The following GAB2 variants were observed in gnomAD, a reference collection of about 807,000 sequenced individuals.
GAB2 encodes the protein GRB2-associated-binding protein 2.
In GAB2, 26 loss-of-function variants were observed where a neutral mutation model predicts 65.5. That is an observed-to-expected ratio of 0.40 (90% CI 0.29 to 0.55). The LOEUF (loss-of-function observed/expected upper bound fraction) is 0.55. GAB2 is among the 20% of genes least tolerant of loss of function. The pLI, the probability that GAB2 is intolerant of heterozygous loss-of-function variation, is 0.53. For synonymous variants in GAB2, 321 were observed against 329.6 expected, an observed-to-expected ratio of 0.97 and a Z score of 0.28; for missense variants, 884 against 875.8, an observed-to-expected ratio of 1.01 and a Z score of -0.12.
chr11:78,269,894 A>G (rs1865968110), intron 2 of GAB2, among the ~76,000 whole-genome samples: 1 of 152,220 alleles, frequency 6.6e-6, no homozygotes, highest in Admixed American at 6.5e-5. Flanking sequence ...AAACTAAAAT[A>G]GTAGAGAAGA....
intron 1 of GAB2, among the ~76,000 whole-genome samples, chr11:78,287,958 C>T (rs1866532115): frequency 6.6e-6 from 1 of 151,778 alleles, no homozygotes; most frequent in African/African-American, 2.4e-5. Flanking sequence ...ACTGTTATCA[C>T]TCTTATTCAA....
At chr11:78,326,421 A>G (rs1404286526) in intron 1 of GAB2, among the ~76,000 whole-genome samples, 6 of 152,224 alleles carry the variant, frequency 3.9e-5, no homozygotes, top group African/African-American at 2.4e-5. Context: ...AGGAAATGAC[A>G]TACAGTGGTT....
In GAB2 at chr11:78,220,358, G is replaced by A. The variant is rs752769689; in HGVS notation, c.1848C>T (p.Ala616=). 1.2e-5 allele frequency: 19 copies of A among 1,612,994 alleles called. No homozygotes were observed. In the Admixed American group the frequency reaches 2.7e-4, roughly 23 times the overall value. Reference sequence around the variant, plus strand: ...TTGGGGAGCTCGGCTGGAAGTCCAGGGCCAGATAATCAACGCTGCCGGTGC... The same window carrying A: ...TTGGGGAGCTCGGCTGGAAGTCCAGAGCCAGATAATCAACGCTGCCGGTGC... ...KKSTGSVDYL[A]LDFQPSSPSP... is the part of the protein sequence containing the mutation. The change falls in exon 9 of 10, where the codon GCC becomes GCT. Residue 616 remains alanine, a synonymous_variant. Coordinates refer to ENST00000361507, the MANE Select transcript of GAB2 (RefSeq NM_080491.3).
rs746171817 is a variant in GAB2 at position 78,219,400 on chromosome 11, C to T, written c.1903G>A (p.Val635Ile). ...SPHRKPSTSS[V>I]TSDEKVDYVQ... ...TAGTCCACCTTCTCATCAGAGGTGA[C>T]GGATGAAGTAGATGGCTGAGGGGAC... The change falls in exon 10 of 10, where the codon GTC (valine) becomes ATC (isoleucine). Residue 635 changes from valine (V) to isoleucine (I), a missense_variant. Transcript: ENST00000361507. The T allele has an allele frequency of 2.9e-5, 47 of 1,613,650 alleles. No individual in the cohort carries two copies. Among genetic ancestry groups the T allele is most frequent in the East Asian group, 8.9e-5 (4 of 44,838 alleles).
intron 3 of GAB2, among the ~76,000 whole-genome samples, chr11:78,240,851 C>T (rs1865114468): frequency 2.0e-5 from 3 of 152,216 alleles, no homozygotes; most frequent in Admixed American, 1.3e-4. Context: ...TATCATAGAT[C>T]CTGGCCCGGA....
chr11:78,417,537 G>C, intron 1 of GAB2, 109 bp downstream of exon 1: 134 of 281,188 alleles, frequency 4.8e-4, no homozygotes, highest in Middle Eastern at 3.5e-3. Context: ...GGCCCCCCGC[G>C]GCTCCGGGCC....
chr11:78,286,498 G>A (rs573876164), intron 1 of GAB2, among the ~76,000 whole-genome samples: 2 of 151,958 alleles, frequency 1.3e-5, no homozygotes, highest in Non-Finnish European at 2.9e-5. Context: ...TTTAAGTTCT[G>A]AGCATCCTGA....
chr11:78,309,915 G>C (rs1038341869), intron 1 of GAB2, among the ~76,000 whole-genome samples: 6 of 137,916 alleles, frequency 4.4e-5, no homozygotes, highest in Admixed American at 7.1e-5. Flanking sequence ...TCACTTTGGG[G>C]AGGGTTAGAA....
At chr11:78,407,307 A>G (rs1210588588) in intron 1 of GAB2, among the ~76,000 whole-genome samples, 1 of 152,218 alleles carries the variant, frequency 6.6e-6, no homozygotes, top group African/African-American at 2.4e-5. Context: ...CTGAAAATAA[A>G]GAGAAAAAAA....
In GAB2 at chr11:78,284,697, C is replaced by T. The variant is rs138458221; in HGVS notation, c.76-3796G>A. On this transcript the variant is annotated intron_variant, in intron 1 of 9. Transcript: ENST00000361507. ...GGTCCCCGATGCTCCCACTCTCTTT[C>T]CCCCCTTACCCTGCTTTACTGGTCT... 5.2e-3 allele frequency among the ~76,000 whole-genome samples: 784 copies of T among 152,110 alleles called. 8 individuals are homozygous for T. The highest frequency in any genetic ancestry group is 0.017 in the African/African-American group (720 of 41,496).
chr11:78,279,844 T>C (rs1866283032), intron 2 of GAB2, among the ~76,000 whole-genome samples: 1 of 152,222 alleles, frequency 6.6e-6, no homozygotes, highest in Non-Finnish European at 1.5e-5. Flanking sequence ...CTATTATGAA[T>C]AATACTGCTG....
At chr11:78,327,674 T>C (rs1432920837) in intron 1 of GAB2, among the ~76,000 whole-genome samples, 1 of 152,104 alleles carries the variant, frequency 6.6e-6, no homozygotes, top group Non-Finnish European at 1.5e-5. Context: ...TACTAAATGG[T>C]TTGAACTTTG....
intron 1 of GAB2, among the ~76,000 whole-genome samples, chr11:78,329,383 A>G (rs533090295): frequency 5.3e-5 from 8 of 152,248 alleles, no homozygotes; most frequent in South Asian, 4.1e-4. Context: ...TTATCCCCCA[A>G]TACGATTTAT....
intron 1 of GAB2, among the ~76,000 whole-genome samples, chr11:78,303,266 G>C (rs1867083777): frequency 6.6e-6 from 1 of 151,942 alleles, no homozygotes; most frequent in Non-Finnish European, 1.5e-5. Flanking sequence ...CTACCCCAAG[G>C]TCAAAAAGAT....
At position 78,220,452 on chromosome 11, in the gene GAB2, G is replaced by A. The variant is rs368551253; in HGVS notation, c.1762-8C>T. ...TGCAGACACTGGGTTTTGCTGTCACGAGGAGGAAAAAACTGTGAGTGACTG... is the reference window on the plus strand; with the variant it reads ...TGCAGACACTGGGTTTTGCTGTCACAAGGAGGAAAAAACTGTGAGTGACTG... On this transcript the variant is annotated splice_polypyrimidine_tract_variant and splice_region_variant and intron_variant, in intron 8 of 9. Transcript: ENST00000361507. 7 of 1,558,466 alleles carry A rather than the reference G, an allele frequency of 4.5e-6. No individual in the cohort carries two copies. Among genetic ancestry groups the A allele is most frequent in the Admixed American group, 3.7e-5 (2 of 53,636 alleles).
intron 1 of GAB2, among the ~76,000 whole-genome samples, chr11:78,323,772 T>G (rs1855770225): frequency 6.8e-6 from 1 of 147,114 alleles, no homozygotes; most frequent in Non-Finnish European, 1.5e-5. Context: ...AACCTACACG[T>G]GTACCCCCTG....
At chr11:78,265,564 C>A (rs111471812) in intron 2 of GAB2, among the ~76,000 whole-genome samples, 9,104 of 152,006 alleles carry the variant, frequency 0.06, 339 homozygotes, top group Non-Finnish European at 0.081. Context: ...ATAAAAGGGC[C>A]GAGGAGGTAG....
chr11:78,341,818 G>A (rs2292572), intron 1 of GAB2: 7 of 984,738 alleles, frequency 7.1e-6, no homozygotes, highest in Non-Finnish European at 8.4e-6. Context: ...TGCTAGCCTC[G>A]CCTTTGTCTC....
chr11:78,238,123 C>T (rs1447147496), intron 3 of GAB2, among the ~76,000 whole-genome samples: 1 of 150,572 alleles, frequency 6.6e-6, no homozygotes. Flanking sequence ...AGTAAACTAC[C>T]ATGGCACATG....
Sources: gnomAD v4.1 joint callset for allele counts (sites outside exome capture counted in the v4.1 genomes callset) on GRCh38, gnomAD v4.1.1 for gene constraint, MANE v1.5 for transcripts, NCBI Gene and HGNC (gene_info 2026-07-23, HGNC 2026-07-21) for gene names.